The following MTX2 variants were observed in gnomAD, a reference collection of about 807,000 sequenced individuals.
MTX2 encodes the protein metaxin 2.
MTX2 carries 35 observed loss-of-function variants against 42.3 expected under a neutral mutation model. That is an observed-to-expected ratio of 0.83 (90% CI 0.63 to 1.10). MTX2 has a LOEUF of 1.10. Ranked by LOEUF, MTX2 falls within the 50% of genes least tolerant of loss-of-function variation. The pLI is 0.00. For synonymous variants in MTX2, 119 were observed against 100.9 expected (o/e 1.18, Z -1.08); for missense variants, 307 against 304.1 (o/e 1.01, Z -0.07).
intron 8 of MTX2, among the ~76,000 whole-genome samples, chr2:176,330,120 ACTAGTGGG>A (rs1253723908): frequency 1.3e-5 from 2 of 151,002 alleles, no homozygotes; most frequent in Admixed American, 6.6e-5. Flanking sequence ...ATCTATCTCC[ACTAGTGGG>A]AAAATAACTC....
chr2:176,293,614 G>A (rs758491309), intron 1 of MTX2, among the ~76,000 whole-genome samples: 3 of 152,066 alleles, frequency 2.0e-5, no homozygotes, highest in Non-Finnish European at 4.4e-5. Flanking sequence ...CTCTTGCTGT[G>A]TGTGACACCT....
At chr2:176,337,440 T>C in intron 9 of MTX2, 53 bp from the exon 10 acceptor site, 1 of 1,455,792 alleles carries the variant, frequency 6.9e-7, no homozygotes, top group East Asian at 2.4e-5. Flanking sequence ...CTGTGTTTTC[T>C]ATTGTAAAAG....
intron 3 of MTX2, among the ~76,000 whole-genome samples, chr2:176,314,918 T>G (rs1222053304): frequency 6.6e-6 from 1 of 152,184 alleles, no homozygotes; most frequent in East Asian, 1.9e-4. Flanking sequence ...TTGATTATAT[T>G]TTTATTCTGC....
intron 1 of MTX2, among the ~76,000 whole-genome samples, chr2:176,288,525 C>G (rs1425149773): frequency 3.3e-5 from 5 of 151,450 alleles, no homozygotes. Context: ...ATAGGCTACC[C>G]ATGTTTCTTG....
At chr2:176,294,650 T>C (rs1482956776) in intron 1 of MTX2, among the ~76,000 whole-genome samples, 1 of 152,174 alleles carries the variant, frequency 6.6e-6, no homozygotes, top group Non-Finnish European at 1.5e-5. Flanking sequence ...CATTACAGAG[T>C]AGTGAAGTAG....
intron 3 of MTX2, among the ~76,000 whole-genome samples, chr2:176,313,338 C>CTCT (rs1321856735): frequency 6.6e-6 from 1 of 150,924 alleles, no homozygotes; most frequent in Non-Finnish European, 1.5e-5. Context: ...ACCCAGAGAG[C>CTCT]TCTCTCTCTG....
At chr2:176,309,942 T>C (rs1335896166) in intron 3 of MTX2, among the ~76,000 whole-genome samples, 1 of 152,186 alleles carries the variant, frequency 6.6e-6, no homozygotes, top group East Asian at 1.9e-4. Flanking sequence ...TTTGATCCTG[T>C]CATTATGATA....
chr2:176,315,023 C>T (rs1684403994), intron 3 of MTX2, among the ~76,000 whole-genome samples: 1 of 152,158 alleles, frequency 6.6e-6, no homozygotes, highest in East Asian at 1.9e-4. Flanking sequence ...TTTGTAGGCT[C>T]TTCTGTCAGT....
At chr2:176,302,877 C>G (rs1040230692) in intron 3 of MTX2, among the ~76,000 whole-genome samples, 1 of 152,132 alleles carries the variant, frequency 6.6e-6, no homozygotes, top group African/African-American at 2.4e-5. Flanking sequence ...TAATTATTGG[C>G]TAATGCTAAT....
chr2:176,336,512 A>T (rs567902755), intron 9 of MTX2, among the ~76,000 whole-genome samples: 1 of 152,280 alleles, frequency 6.6e-6, no homozygotes, highest in African/African-American at 2.4e-5. Context: ...AAAACACTTA[A>T]TAAATTGTAT....
chr2:176,278,667 A>AT (rs1693006387), intron 1 of MTX2, among the ~76,000 whole-genome samples: 2 of 152,156 alleles, frequency 1.3e-5, no homozygotes, highest in Admixed American at 1.3e-4. Flanking sequence ...ACTTTTTAAT[A>AT]TTTTTCAAAC....
At chr2:176,327,605 G>T (rs1684740576) in intron 5 of MTX2, among the ~76,000 whole-genome samples, 1 of 146,944 alleles carries the variant, frequency 6.8e-6, no homozygotes. Context: ...CCCTCCCCCT[G>T]TATTGGATAA....
At chr2:176,333,862 G>T (rs541457172) in intron 9 of MTX2, among the ~76,000 whole-genome samples, 81 of 151,744 alleles carry the variant, frequency 5.3e-4, no homozygotes, top group Middle Eastern at 3.4e-3. Context: ...TAGCAATAGG[G>T]TGTACCATAT....
intron 1 of MTX2, among the ~76,000 whole-genome samples, chr2:176,277,317 G>A (rs1418055741): frequency 6.6e-6 from 1 of 152,214 alleles, no homozygotes; most frequent in Non-Finnish European, 1.5e-5. Context: ...TGAAGAAAAT[G>A]ATGGTAAAGG....
intron 7 of MTX2, 64 bp from the exon 8 acceptor site, chr2:176,329,237 A>C: frequency 2.0e-6 from 3 of 1,501,722 alleles, no homozygotes; most frequent in Non-Finnish European, 2.7e-6. Flanking sequence ...TTAGAATTCT[A>C]TTTGTAAAAA....
rs376579116 is a variant in MTX2, at chr2:176,270,362, C to T, written c.40+693C>T. The T allele has an allele frequency of 1.1e-4, 156 of 1,362,224 alleles. 1 individual carries two copies. In the African/African-American group the frequency reaches 1.8e-3, roughly 16 times the overall value. The allele number at this position is 1,362,224 out of a possible 1,614,324, so 84.4% of individuals were successfully genotyped here. A position where few individuals can be genotyped will look rare whatever the true frequency, so the allele number is the denominator to read the frequency against. ...GATTCATGGAAAATTTTTAAATCTG[C>T]ATGTACTTTAAAGAAATACTTTTGA... On this transcript the variant is annotated intron_variant, in intron 1 of 9. Transcript: ENST00000249442.
At chr2:176,280,952 T>C (rs946930272) in intron 1 of MTX2, among the ~76,000 whole-genome samples, 1 of 152,136 alleles carries the variant, frequency 6.6e-6, no homozygotes, top group Non-Finnish European at 1.5e-5. Context: ...GGGCAGAGCA[T>C]TTGGCAGCAA....
intron 3 of MTX2, among the ~76,000 whole-genome samples, chr2:176,310,026 T>C (rs1467474036): frequency 2.0e-5 from 3 of 152,212 alleles, no homozygotes; most frequent in Non-Finnish European, 4.4e-5. Context: ...TTGGCCTGTT[T>C]TTGCCGTGGC....
intron 4 of MTX2, 94 bp downstream of exon 4, chr2:176,323,558 T>G: frequency 8.5e-7 from 1 of 1,180,392 alleles, no homozygotes; most frequent in Non-Finnish European, 1.2e-6. Flanking sequence ...AATGCCTGAT[T>G]TTTTTTGTTT....
Sources: gnomAD v4.1 joint callset for allele counts (sites outside exome capture counted in the v4.1 genomes callset) on GRCh38, gnomAD v4.1.1 for gene constraint, MANE v1.5 for transcripts, NCBI Gene and HGNC (gene_info 2026-07-23, HGNC 2026-07-21) for gene names.